Variants in GABRB1 observed in about 807,000 individuals in gnomAD.
The protein encoded by GABRB1 is gamma-aminobutyric acid receptor subunit beta-1.
In GABRB1, 17 loss-of-function variants were observed where a neutral mutation model predicts 51.6. The ratio of observed to expected loss-of-function variants is 0.33; its 90% CI spans 0.23 to 0.49. The LOEUF (loss-of-function observed/expected upper bound fraction) is 0.49, where lower values mean the gene tolerates loss of function less well. Ranked by LOEUF, GABRB1 falls within the 20% of genes least tolerant of loss-of-function variation. GABRB1 has a pLI of 0.99. For synonymous variants in GABRB1, 247 were observed against 218.9 expected (o/e 1.13, Z -1.14); for missense variants, 410 against 600.6 (o/e 0.68, Z 3.32).
In GABRB1 at chr4:47,270,762, GCACTAACCCAACTTCA is replaced by G. The variant is rs1490715387; in HGVS notation, c.462-49363_462-49348del. 9.4e-5 allele frequency among the ~76,000 whole-genome samples: 3 copies of G among 31,956 alleles called. No homozygotes were observed. The East Asian group carries it at 0.017, about 184-fold the overall frequency. 21.0% of individuals were successfully genotyped at this position (31,956 alleles called of 152,430 possible). On this transcript the variant is annotated intron_variant, in intron 4 of 8. Transcript: ENST00000295454. The stretch of plus-strand genomic sequence containing the variant: ...CAGTATAGGCAAGAGATTGTCAAAA[GCACTAACCCAACTTCA>G]CCTTTGCTGTCCAAGGTAACTACCT...
chr4:47,137,254 A>G (rs2109685182), intron 3 of GABRB1, among the ~76,000 whole-genome samples: 1 of 152,170 alleles, frequency 6.6e-6, no homozygotes, highest in East Asian at 1.9e-4. Context: ...AAGGAACAGT[A>G]GGAAAGAGGG....
chr4:47,337,129 G>A (rs759611153), intron 5 of GABRB1, among the ~76,000 whole-genome samples: 1 of 152,118 alleles, frequency 6.6e-6, no homozygotes, highest in Non-Finnish European at 1.5e-5. Context: ...AGGGAGAATA[G>A]TCTGGAAGGG....
At chr4:47,271,089 A>T (rs752384777) in intron 4 of GABRB1, among the ~76,000 whole-genome samples, 5 of 152,178 alleles carry the variant, frequency 3.3e-5, no homozygotes, top group Admixed American at 6.6e-5. Flanking sequence ...TTTTTCTGAC[A>T]TGTCATCAAC....
At chr4:47,106,505 G>T (rs1202700371) in intron 3 of GABRB1, among the ~76,000 whole-genome samples, 1 of 152,040 alleles carries the variant, frequency 6.6e-6, no homozygotes, top group Non-Finnish European at 1.5e-5. Flanking sequence ...TGACTTACAG[G>T]AGAGTTGTAA....
chr4:47,031,189 C>A (rs1036646072), upstream of GABRB1, among the ~76,000 whole-genome samples: 1 of 152,124 alleles, frequency 6.6e-6, no homozygotes, highest in Admixed American at 6.5e-5. Flanking sequence ...CCGGTGCCCG[C>A]CACAGGCAAC....
chr4:47,143,341 G>C (rs1717009604), intron 3 of GABRB1, among the ~76,000 whole-genome samples: 1 of 151,782 alleles, frequency 6.6e-6, no homozygotes, highest in African/African-American at 2.4e-5. Flanking sequence ...GTCTTTAGTG[G>C]TGGCCTTCAT....
chr4:46,993,835 C>A, exon 1 of GABRB1: 1 of 212,690 alleles, frequency 4.7e-6, no homozygotes, highest in South Asian at 6.4e-5. Context: ...CAAGTGGGCT[C>A]CCCGCCCACA....
At position 47,425,712 on chromosome 4, in the gene GABRB1, A is replaced by C. The variant is rs760287248; in HGVS notation, c.1119A>C (p.Glu373Asp). The C allele has an allele frequency of 6.2e-7, 1 of 1,613,470 alleles. No homozygotes were observed. Among genetic ancestry groups the C allele is most frequent in the Admixed American group, 1.7e-5 (1 of 59,936 alleles). Residue 373 changes from glutamate (E) to aspartate (D), a missense_variant, in exon 9 of 9, where the codon GAA becomes GAC. By Grantham distance (45) the Glu-to-Asp change is conservative. Around this residue, in one of 5 missense-constraint regions of GABRB1, gnomAD observed 181 missense variants for 195.6 expected, o/e 0.93. Coordinates refer to ENST00000295454, the MANE Select transcript of GABRB1 (RefSeq NM_000812.4). ...GTAACATTCTCCTCAGCACCCTGGA[A>C]ATCCGGAATGAGACGAGTGGCTCGG... Reference protein sequence around the residue: ...AHGNILLSTLEIRNETSGSEV... With the variant: ...AHGNILLSTLDIRNETSGSEV...
chr4:47,194,421 T>C (rs917105113), intron 4 of GABRB1, among the ~76,000 whole-genome samples: 2 of 152,196 alleles, frequency 1.3e-5, no homozygotes, highest in Non-Finnish European at 2.9e-5. Context: ...GCCATTTCTC[T>C]TATGAAAATG....
Position 47,144,128 on chromosome 4 carries a change from C to T in GABRB1, c.241-17121C>T, listed in dbSNP as rs1056012433. ...AATCTAAATGCTAAGTACCAAAATG[C>T]TACAGATAAGAAGAAGTGCCAAATG... On this transcript the variant is annotated intron_variant, in intron 3 of 8. Transcript: ENST00000295454. Among the ~76,000 whole-genome samples, 4 of 151,820 alleles carry T rather than the reference C, an allele frequency of 2.6e-5. No homozygotes were observed. The South Asian group carries it at 8.3e-4, about 31-fold the overall frequency.
At chr4:47,277,826 T>G (rs1326833496) in intron 4 of GABRB1, among the ~76,000 whole-genome samples, 1 of 152,134 alleles carries the variant, frequency 6.6e-6, no homozygotes, top group Non-Finnish European at 1.5e-5. Context: ...TAATCTTATT[T>G]GATACATTAC....
intron 8 of GABRB1, among the ~76,000 whole-genome samples, chr4:47,409,435 C>T (rs1728686723): frequency 6.6e-6 from 1 of 152,120 alleles, no homozygotes; most frequent in Non-Finnish European, 1.5e-5. Flanking sequence ...GTTTGGCCAT[C>T]CCGCGGCCAT....
chr4:47,112,569 G>A (rs185156124), intron 3 of GABRB1, among the ~76,000 whole-genome samples: 16 of 152,202 alleles, frequency 1.1e-4, no homozygotes, highest in Non-Finnish European at 2.4e-4. Context: ...ATTTGTTAAA[G>A]AAACAACTTA....
At chr4:47,300,767 T>C (rs9683412) in intron 4 of GABRB1, among the ~76,000 whole-genome samples, 147 of 152,020 alleles carry the variant, frequency 9.7e-4, no homozygotes, top group African/African-American at 3.5e-3. Context: ...ATAGTAAACA[T>C]TGAAACCCAA....
intron 3 of GABRB1, among the ~76,000 whole-genome samples, chr4:47,040,573 C>CTGCTGAAG (rs1725797026): frequency 6.6e-6 from 1 of 152,178 alleles, no homozygotes; most frequent in East Asian, 1.9e-4. Context: ...ATCTCTTTCA[C>CTGCTGAAG]TGCTGAAGTG....
At chr4:47,401,214 T>G (rs965008087) in intron 5 of GABRB1, among the ~76,000 whole-genome samples, 2 of 152,224 alleles carry the variant, frequency 1.3e-5, no homozygotes, top group African/African-American at 4.8e-5. Context: ...TACCCAGTAG[T>G]GGGATTGCTA....
At chr4:47,111,709 A>G (rs1715217798) in intron 3 of GABRB1, among the ~76,000 whole-genome samples, 1 of 151,906 alleles carries the variant, frequency 6.6e-6, no homozygotes, top group African/African-American at 2.4e-5. Flanking sequence ...ACAATAAAAT[A>G]CAACAATTAG....
At chr4:47,196,909 T>C (rs550641650) in intron 4 of GABRB1, among the ~76,000 whole-genome samples, 241 of 152,364 alleles carry the variant, frequency 1.6e-3, no homozygotes, top group African/African-American at 4.9e-3. Context: ...TTCACTAGAA[T>C]GTCAGCTCCT....
intron 3 of GABRB1, among the ~76,000 whole-genome samples, chr4:47,080,837 A>G (rs565808824): frequency 6.6e-6 from 1 of 152,320 alleles, no homozygotes; most frequent in South Asian, 2.1e-4. Context: ...TTTATGGCCC[A>G]TCTCTAGTTG....
Sources: allele counts gnomAD v4.1 joint callset (sites outside exome capture counted in the v4.1 genomes callset), GRCh38; gene constraint gnomAD v4.1.1; regional missense constraint gnomAD v4.1.1; transcripts MANE v1.5; gene names NCBI Gene and HGNC (gene_info 2026-07-23, HGNC 2026-07-21).